The following RBFOX1 variants were observed in gnomAD, a reference collection of about 807,000 sequenced individuals.
RBFOX1 encodes RNA binding protein fox-1 homolog 1.
Under a neutral mutation model 57.7 loss-of-function variants are expected in RBFOX1, and 8 were observed. That is an observed-to-expected ratio of 0.14 (90% CI 0.08 to 0.25). RBFOX1 has a LOEUF of 0.25. Ranked by LOEUF, RBFOX1 falls within the 10% of genes least tolerant of loss-of-function variation. RBFOX1 has a pLI of 1.00. For synonymous variants in RBFOX1, 326 were observed against 222.4 expected (o/e 1.47, Z -4.15); for missense variants, 611 against 548.5 (o/e 1.11, Z -1.14).
At chr16:6,789,889 C>A (rs1469464569) in intron 3 of RBFOX1, among the ~76,000 whole-genome samples, 1 of 151,592 alleles carries the variant, frequency 6.6e-6, no homozygotes. Context: ...CAAAAAATAC[C>A]CTTAAAACAT....
intron 3 of RBFOX1, among the ~76,000 whole-genome samples, chr16:5,821,045 CT>C (rs993069911): frequency 7.9e-5 from 12 of 152,086 alleles, no homozygotes; most frequent in Admixed American, 6.5e-5. Context: ...TTTCCCTTTC[CT>C]TCCCTAGACA....
At chr16:5,935,502 C>T (rs948069970) in intron 4 of RBFOX1, among the ~76,000 whole-genome samples, 1 of 152,070 alleles carries the variant, frequency 6.6e-6, no homozygotes, top group Non-Finnish European at 1.5e-5. Flanking sequence ...TGGTACCTGG[C>T]CCTGGGGTGA....
At chr16:6,946,691 C>T (rs1175630837) in intron 3 of RBFOX1, among the ~76,000 whole-genome samples, 1 of 152,100 alleles carries the variant, frequency 6.6e-6, no homozygotes, top group South Asian at 2.1e-4. Flanking sequence ...CAATCTCAAA[C>T]TCCTGGGCTC....
chr16:6,853,003 C>T (rs2094151844), intron 3 of RBFOX1, among the ~76,000 whole-genome samples: 1 of 152,188 alleles, frequency 6.6e-6, no homozygotes, highest in Admixed American at 6.5e-5. Flanking sequence ...TGGACAATCT[C>T]ACTGGCAGAA....
At chr16:7,357,140 G>C (rs936283875) in intron 4 of RBFOX1, among the ~76,000 whole-genome samples, 1 of 152,050 alleles carries the variant, frequency 6.6e-6, no homozygotes. Flanking sequence ...TGCTCGAGGT[G>C]CTGGGGCTAG....
Position 6,869,222 on chromosome 16 carries a change from C to T in RBFOX1, c.-15-182835C>T, listed in dbSNP as rs116628292. 6.2e-3 allele frequency among the ~76,000 whole-genome samples: 938 copies of T among 152,310 alleles called. 14 individuals carry two copies. Among genetic ancestry groups the T allele is most frequent in the African/African-American group, 0.021 (889 of 41,566 alleles). ...CCCCCACTTGCCATTATCAGCAACA[C>T]TTGCTGACCACCTATATGTGCAAAG... is the stretch of plus-strand genomic sequence containing the variant. On this transcript the variant is annotated intron_variant, in intron 3 of 15. Coordinates refer to ENST00000550418, the MANE Select transcript of RBFOX1 (RefSeq NM_018723.4).
intron 3 of RBFOX1, among the ~76,000 whole-genome samples, chr16:6,827,624 C>G (rs1030809812): frequency 6.6e-6 from 1 of 152,198 alleles, no homozygotes; most frequent in Non-Finnish European, 1.5e-5. Context: ...CCCCATCCTT[C>G]ACTGCTCAGC....
intron 3 of RBFOX1, among the ~76,000 whole-genome samples, chr16:6,846,742 A>G (rs1186864441): frequency 6.6e-6 from 1 of 152,198 alleles, no homozygotes; most frequent in Non-Finnish European, 1.5e-5. Flanking sequence ...TGATCTGCTA[A>G]CAAAATTAGG....
intron 4 of RBFOX1, among the ~76,000 whole-genome samples, chr16:5,895,083 G>C (rs1177342546): frequency 6.6e-6 from 1 of 152,180 alleles, no homozygotes; most frequent in Non-Finnish European, 1.5e-5. Context: ...AACTCTGAGA[G>C]AGAGTGAATC....
intron 1 of RBFOX1, among the ~76,000 whole-genome samples, chr16:6,210,105 G>T (rs1028495128): frequency 1.3e-5 from 2 of 151,706 alleles, no homozygotes; most frequent in African/African-American, 2.4e-5. Flanking sequence ...ATCACCTGAG[G>T]TCAGGAGTTC....
At chr16:6,741,468 A>T (rs565211689) in intron 3 of RBFOX1, among the ~76,000 whole-genome samples, 4 of 152,230 alleles carry the variant, frequency 2.6e-5, no homozygotes, top group African/African-American at 9.6e-5. Flanking sequence ...GTTCGAGACC[A>T]GCCTGGCTAA....
At chr16:6,143,774 T>G (rs1391283258) in intron 1 of RBFOX1, among the ~76,000 whole-genome samples, 1 of 152,076 alleles carries the variant, frequency 6.6e-6, no homozygotes, top group Non-Finnish European at 1.5e-5. Flanking sequence ...CACCTGATAC[T>G]TTTGCTTTTC....
At chr16:6,058,699 A>G (rs1038362823) in intron 1 of RBFOX1, among the ~76,000 whole-genome samples, 1 of 147,650 alleles carries the variant, frequency 6.8e-6, no homozygotes, top group Admixed American at 6.9e-5. Flanking sequence ...TCACTCATCC[A>G]TACATTCACC....
intron 2 of RBFOX1, among the ~76,000 whole-genome samples, chr16:5,593,864 T>C (rs9929422): frequency 0.11 from 16,826 of 152,154 alleles, 1,163 homozygotes; most frequent in East Asian, 0.32. Flanking sequence ...AGAACCCTCG[T>C]TTGGGGTCTG....
At chr16:7,688,256 T>TGAGA (rs1375969994) in intron 14 of RBFOX1, among the ~76,000 whole-genome samples, 4 of 123,256 alleles carry the variant, frequency 3.2e-5, no homozygotes, top group African/African-American at 1.2e-4. Flanking sequence ...TGTGTGTGTG[T>TGAGA]GTGTGAGAGA....
At chr16:6,729,949 G>A (rs1463453251) in intron 3 of RBFOX1, among the ~76,000 whole-genome samples, 2 of 152,090 alleles carry the variant, frequency 1.3e-5, no homozygotes, top group African/African-American at 2.4e-5. Flanking sequence ...GATAATGGCT[G>A]ATCAAAAACT....
intron 2 of RBFOX1, among the ~76,000 whole-genome samples, chr16:6,624,934 G>C (rs1185193812): frequency 5.3e-5 from 8 of 152,070 alleles, no homozygotes; most frequent in Admixed American, 4.6e-4. Flanking sequence ...CGAGGTCGAG[G>C]CAGGTGGATC....
At chr16:7,154,014 CA>C (rs1348210824) in intron 4 of RBFOX1, among the ~76,000 whole-genome samples, 2 of 152,250 alleles carry the variant, frequency 1.3e-5, no homozygotes, top group African/African-American at 4.8e-5. Context: ...ATTTATCCAT[CA>C]TCATTATCAT....
chr16:5,849,322 T>C (rs1352643007), intron 3 of RBFOX1, among the ~76,000 whole-genome samples: 1 of 151,978 alleles, frequency 6.6e-6, no homozygotes, highest in Non-Finnish European at 1.5e-5. Flanking sequence ...TGTCACCAGG[T>C]ATTGGGTCCA....
Sources: gnomAD v4.1 joint callset for allele counts (sites outside exome capture counted in the v4.1 genomes callset) on GRCh38, gnomAD v4.1.1 for gene constraint, MANE v1.5 for transcripts, NCBI Gene and HGNC (gene_info 2026-07-23, HGNC 2026-07-21) for gene names.